Variants in ACAD10 observed in about 807,000 individuals in gnomAD.
The protein encoded by ACAD10 is ACAD-10.
In ACAD10, 112 loss-of-function variants were observed where a neutral mutation model predicts 116.8. That is an observed-to-expected ratio of 0.96 (90% CI 0.82 to 1.12). The LOEUF is 1.12. Ranked by LOEUF, ACAD10 falls within the 50% of genes most tolerant of loss-of-function variation. The pLI is 0.00. For synonymous variants in ACAD10, 486 were observed against 510.6 expected (o/e 0.95, Z 0.65); for missense variants, 1,259 against 1,350.2 (o/e 0.93, Z 1.06).
At chr12:111,705,402 A>C (rs1416845492) in intron 3 of ACAD10, among the ~76,000 whole-genome samples, 2 of 151,996 alleles carry the variant, frequency 1.3e-5, no homozygotes, top group African/African-American at 4.8e-5. Context: ...AGTTAAAAAA[A>C]AATTTTTTTT....
intron 19 of ACAD10, 86 bp from the exon 20 acceptor site, chr12:111,755,582 T>C: frequency 1.1e-6 from 1 of 932,646 alleles, no homozygotes; most frequent in Non-Finnish European, 1.7e-6. Context: ...TTTGTATTTT[T>C]AGTAGAGATG....
At chr12:111,704,464 A>C (rs1443414583) in intron 3 of ACAD10, among the ~76,000 whole-genome samples, 1 of 151,786 alleles carries the variant, frequency 6.6e-6, no homozygotes, top group Non-Finnish European at 1.5e-5. Context: ...AGTAATGAAA[A>C]TGTCCTAAAA....
At chr12:111,686,647 C>T (rs1358005706) in intron 1 of ACAD10, among the ~76,000 whole-genome samples, 4 of 152,104 alleles carry the variant, frequency 2.6e-5, no homozygotes, top group African/African-American at 4.8e-5. Context: ...ACCCGGGAGG[C>T]GGAGGTTGCA....
chr12:111,723,225 G>T (rs1208128360), intron 8 of ACAD10, among the ~76,000 whole-genome samples: 1 of 137,680 alleles, frequency 7.3e-6, no homozygotes, highest in African/African-American at 2.7e-5. Flanking sequence ...GGACGGGGCG[G>T]CTGGCCGGGC....
At position 111,744,687 on chromosome 12, in the gene ACAD10, G is replaced by A. The variant is rs766204833; in HGVS notation, c.1759G>A (p.Glu587Lys). Residue 587 changes from glutamate (E) to lysine (K), a missense_variant, in exon 13 of 21, where the codon GAA becomes AAA. By Grantham distance (56) the Glu-to-Lys change is moderately conservative. Coordinates refer to ENST00000313698, the MANE Select transcript of ACAD10 (RefSeq NM_025247.6). ...TGCGGAACAAACTGGAAAGCTGACC[G>A]AATTTGTGTCTAACCTGGCGTGGGA... ...TYAEQTGKLT[E>K]FVSNLAWDFA... The A allele has an allele frequency of 1.8e-5, 29 of 1,614,078 alleles. No homozygotes were observed. The highest frequency in any genetic ancestry group is 5.3e-5 in the African/African-American group (4 of 74,936).
intron 5 of ACAD10, among the ~76,000 whole-genome samples, chr12:111,710,719 T>G (rs897517875): frequency 3.3e-5 from 5 of 152,042 alleles, no homozygotes; most frequent in South Asian, 4.1e-4. Flanking sequence ...GGTCTCAAAC[T>G]CCTAAGCTCA....
Position 111,747,152 on chromosome 12 carries a change from A to G in ACAD10, c.2360A>G (p.Lys787Arg), listed in dbSNP as rs761648345. ...TGGCTGATTCCTCTGCTGGAGGGGAAAGCCCGCTCCTGTTTTGCTATGACC... is the reference window on the plus strand; with the variant it reads ...TGGCTGATTCCTCTGCTGGAGGGGAGAGCCCGCTCCTGTTTTGCTATGACC... ...ARWLIPLLEG[K>R]ARSCFAMTEP... Residue 787 changes from lysine (K) to arginine (R), a missense_variant, in exon 15 of 21, where the codon AAA becomes AGA. By Grantham distance (26) the Lys-to-Arg change is conservative (BLOSUM62 2). Transcript: ENST00000313698. 2 of 1,612,630 alleles carry G rather than the reference A, an allele frequency of 1.2e-6. No individual in the cohort carries two copies. Among genetic ancestry groups the G allele is most frequent in the East Asian group, 2.2e-5 (1 of 44,850 alleles).
At position 111,744,843 on chromosome 12, in the gene ACAD10, G is replaced by A. The variant is rs139313175; in HGVS notation, c.1915G>A (p.Val639Ile). The change falls in exon 13 of 21, where the codon GTT becomes ATT. Residue 639 changes from valine to isoleucine, a missense_variant. Physicochemically the swap from Val to Ile is conservative, Grantham distance 29. Transcript: ENST00000313698. Reference protein sequence around the residue: ...CPTGSRSYSSVPEASPAHTSR... With the variant: ...CPTGSRSYSSIPEASPAHTSR... ...CACAGGCAGCAGGAGTTATAGCTCC[G>A]TTCCAGAAGCTTCCCCAGCTCATAC... 2.4e-5 allele frequency: 38 copies of A among 1,614,178 alleles called. No individual in the cohort carries two copies. The African/African-American group carries it at 2.9e-4, about 12-fold the overall frequency.
chr12:111,686,729 G>T (rs1438133863), intron 1 of ACAD10, among the ~76,000 whole-genome samples: 1 of 152,132 alleles, frequency 6.6e-6, no homozygotes, highest in Admixed American at 6.6e-5. Flanking sequence ...AAAAAAGAGA[G>T]AAAAGATGGT....
Position 111,692,840 on chromosome 12 carries a change from C to T in ACAD10, c.131C>T (p.Ala44Val), listed in dbSNP as rs936482892. 2.5e-6 allele frequency: 4 copies of T among 1,614,044 alleles called. No individual in the cohort carries two copies. Among genetic ancestry groups the T allele is most frequent in the Admixed American group, 1.7e-5 (1 of 59,980 alleles). ...CACCTTGGAGGCAGCACCTACAGAG[C>T]GGTGATTTTCGACATGGGCGGAGTT... ...WTHLGGSTYR[A>V]VIFDMGGVLI... Residue 44 changes from alanine to valine, a missense_variant, in exon 2 of 21, where the codon GCG (alanine) becomes GTG (valine). Physicochemically the swap from Ala to Val is moderately conservative, Grantham distance 64. Transcript: ENST00000313698.
At chr12:111,732,032 G>T (rs752342850) in intron 10 of ACAD10, among the ~76,000 whole-genome samples, 2 of 152,162 alleles carry the variant, frequency 1.3e-5, no homozygotes. Context: ...AGTGAGCCAA[G>T]ACCGCACCAC....
intron 8 of ACAD10, among the ~76,000 whole-genome samples, chr12:111,727,525 A>G (rs1889250886): frequency 6.6e-6 from 1 of 152,240 alleles, no homozygotes; most frequent in South Asian, 2.1e-4. Context: ...CTCCGTCTCA[A>G]AAAATTAAAA....
chr12:111,709,874 C>T, intron 5 of ACAD10, 190 bp downstream of exon 5: 2 of 648,332 alleles, frequency 3.1e-6, no homozygotes, highest in Non-Finnish European at 5.0e-6. Context: ...GGAAGCAAGA[C>T]AAACAGGTAC....
chr12:111,719,473 C>T (rs1278365055), intron 7 of ACAD10, among the ~76,000 whole-genome samples: 1 of 151,972 alleles, frequency 6.6e-6, no homozygotes, highest in Non-Finnish European at 1.5e-5. Flanking sequence ...AGGATGGTCT[C>T]AATCTCCTGA....
chr12:111,696,087 G>A (rs889441492), intron 2 of ACAD10, among the ~76,000 whole-genome samples: 3 of 151,058 alleles, frequency 2.0e-5, no homozygotes, highest in Non-Finnish European at 2.9e-5. Context: ...CTTGAGATGG[G>A]ATCGCGCTCT....
At chr12:111,688,600 G>A (rs911792701) in intron 1 of ACAD10, among the ~76,000 whole-genome samples, 2 of 151,860 alleles carry the variant, frequency 1.3e-5, no homozygotes, top group Non-Finnish European at 2.9e-5. Flanking sequence ...TCAGGAGTTC[G>A]AGACCAGCCT....
At chr12:111,748,632 T>A in intron 17 of ACAD10, 157 bp downstream of exon 17, 2 of 802,608 alleles carry the variant, frequency 2.5e-6, no homozygotes, top group Non-Finnish European at 3.9e-6. Flanking sequence ...TTTCCATACA[T>A]GAATATCAAC....
chr12:111,737,020 C>G lies in ACAD10; in HGVS notation c.1714+16C>G, dbSNP rs1288796337. On this transcript the variant is annotated intron_variant, in intron 12 of 20. Coordinates refer to ENST00000313698, the MANE Select transcript of ACAD10 (RefSeq NM_025247.6). The stretch of plus-strand genomic sequence containing the variant: ...TCACTCACAGGTAATGGGATGGCTG[C>G]CCTGAAGAGCCACTGCGGGGTGAGT... 1.4e-5 allele frequency: 22 copies of G among 1,611,252 alleles called. No individual in the cohort carries two copies. The highest frequency in any genetic ancestry group is 1.6e-5 in the Non-Finnish European group (19 of 1,178,446).
chr12:111,694,767 T>G (rs1216311197), intron 2 of ACAD10, among the ~76,000 whole-genome samples: 1 of 152,222 alleles, frequency 6.6e-6, no homozygotes, highest in Non-Finnish European at 1.5e-5. Flanking sequence ...AGCTCACACC[T>G]GTAATCTCAG....
Sources: allele counts gnomAD v4.1 joint callset (sites outside exome capture counted in the v4.1 genomes callset), GRCh38; gene constraint gnomAD v4.1.1; transcripts MANE v1.5; gene names NCBI Gene and HGNC (gene_info 2026-07-23, HGNC 2026-07-21).